FAXC: variants seen among roughly 807,000 people sequenced by gnomAD.
FAXC encodes failed axon connections homolog, metaxin like GST domain containing.
A neutral mutation model predicts 41.9 loss-of-function variants in FAXC; 10 were observed. That is an observed-to-expected ratio of 0.24 (90% confidence interval 0.15 to 0.41). The LOEUF (loss-of-function observed/expected upper bound fraction) is 0.41. Ranked by LOEUF, FAXC falls within the 10% of genes least tolerant of loss-of-function variation. FAXC has a pLI of 1.00. For synonymous variants in FAXC, 183 were observed against 183.8 expected (o/e 1.00, Z 0.03); for missense variants, 399 against 510.9 (o/e 0.78, Z 2.11).
At chr6:99,325,233 A>G (rs531263459) in intron 3 of FAXC, among the ~76,000 whole-genome samples, 4 of 152,276 alleles carry the variant, frequency 2.6e-5, no homozygotes, top group African/African-American at 7.2e-5. Flanking sequence ...TGATCATTGT[A>G]TATAGTTCTG....
At chr6:99,348,310 T>C (rs1453212955) in intron 1 of FAXC, among the ~76,000 whole-genome samples, 2 of 152,220 alleles carry the variant, frequency 1.3e-5, no homozygotes, top group Non-Finnish European at 2.9e-5. Flanking sequence ...CAAACGACTG[T>C]CTCAGTGCCC....
chr6:99,295,126 C>T (rs551919399), intron 4 of FAXC, among the ~76,000 whole-genome samples: 2 of 152,108 alleles, frequency 1.3e-5, no homozygotes, highest in Non-Finnish European at 2.9e-5. Context: ...GAAAAGAGAA[C>T]AGAAATCAGG....
rs1770809464 is a variant in FAXC, at chr6:99,280,997, T to A, written c.*167A>T. The A allele has an allele frequency of 3.3e-6, 2 of 599,812 alleles. No homozygotes were observed. The highest frequency in any genetic ancestry group is 6.0e-6 in the Non-Finnish European group (2 of 333,798). 37.2% of individuals were successfully genotyped at this position (599,812 alleles called of 1,614,324 possible). A position where few individuals can be genotyped will look rare whatever the true frequency, so the allele number is the denominator to read the frequency against. The stretch of plus-strand genomic sequence containing the variant: ...CAATGGAGTCATCTGAATGGTTCTG[T>A]GTTTTGTTTGTACAAAAAAGAAATA... On this transcript the variant is annotated 3_prime_UTR_variant, in exon 6 of 6. Transcript: ENST00000389677.
intron 3 of FAXC, among the ~76,000 whole-genome samples, chr6:99,326,005 G>A (rs111228703): frequency 7.2e-5 from 11 of 152,316 alleles, no homozygotes; most frequent in African/African-American, 1.9e-4. Flanking sequence ...GCTGCCTGAC[G>A]AACTGCAAGA....
chr6:99,310,370 C>G (rs1319648377), intron 4 of FAXC, among the ~76,000 whole-genome samples: 1 of 152,200 alleles, frequency 6.6e-6, no homozygotes, highest in Non-Finnish European at 1.5e-5. Flanking sequence ...GGGTTACAGA[C>G]ACATTTGAAT....
rs1426564705 is a variant in FAXC, at chr6:99,314,043, G to A, written c.823+9401C>T. Among the ~76,000 whole-genome samples, 3 of 152,204 alleles carry A rather than the reference G, an allele frequency of 2.0e-5. No individual in the cohort carries two copies. The East Asian group carries it at 5.8e-4, about 29-fold the overall frequency. ...TTTGCTATGTTGCTCAGGCTGGGGT[G>A]CAGTGGCTATTCACAGTTGTAATCA... On this transcript the variant is annotated intron_variant, in intron 4 of 5. Transcript: ENST00000389677.
chr6:99,318,462 G>A (rs1002236869), intron 4 of FAXC, among the ~76,000 whole-genome samples: 2 of 151,964 alleles, frequency 1.3e-5, no homozygotes, highest in Non-Finnish European at 2.9e-5. Flanking sequence ...AGAGGGATGG[G>A]AAAATATATT....
intron 5 of FAXC, among the ~76,000 whole-genome samples, chr6:99,289,732 T>TAC (rs1771162205): frequency 1.3e-5 from 2 of 150,900 alleles, no homozygotes; most frequent in African/African-American, 4.9e-5. Flanking sequence ...TATATATATA[T>TAC]AGTCCAAAAT....
At chr6:99,325,629 C>G (rs1279864576) in intron 3 of FAXC, among the ~76,000 whole-genome samples, 4 of 152,180 alleles carry the variant, frequency 2.6e-5, no homozygotes, top group African/African-American at 7.2e-5. Flanking sequence ...TGCTTTCCTA[C>G]TTGCTCCTTT....
chr6:99,291,894 A>G, intron 4 of FAXC, 74 bp from the exon 5 acceptor site: 1 of 1,038,916 alleles, frequency 9.6e-7, no homozygotes, highest in East Asian at 2.4e-5. Flanking sequence ...CATTTAGCAC[A>G]TTCTATTACA....
At chr6:99,313,774 T>G (rs1772233992) in intron 4 of FAXC, among the ~76,000 whole-genome samples, 1 of 152,222 alleles carries the variant, frequency 6.6e-6, no homozygotes, top group Admixed American at 6.5e-5. Flanking sequence ...TCCAAATGGT[T>G]AGCCACCTGT....
rs1193381767 is a variant in FAXC at position 99,275,601 on chromosome 6, C to G, written c.*5563G>C. 1 of 152,200 alleles carries G rather than the reference C, an allele frequency of 6.6e-6. No individual in the cohort carries two copies. Among genetic ancestry groups the G allele is most frequent in the Admixed American group, 6.5e-5 (1 of 15,284 alleles). 9.4% of individuals were successfully genotyped at this position (152,200 alleles called of 1,614,324 possible). On this transcript the variant is annotated 3_prime_UTR_variant, in exon 6 of 6. Coordinates refer to ENST00000389677, the MANE Select transcript of FAXC (RefSeq NM_032511.4). Reference sequence around the variant, plus strand: ...GCGAAAGCAGAATGGTTGAGGAGGTCACCCTGTCAGCTCCAAAACAGCTGA... The same window carrying G: ...GCGAAAGCAGAATGGTTGAGGAGGTGACCCTGTCAGCTCCAAAACAGCTGA...
chr6:99,294,208 A>G (rs996751091), intron 4 of FAXC, among the ~76,000 whole-genome samples: 1 of 152,220 alleles, frequency 6.6e-6, no homozygotes, highest in African/African-American at 2.4e-5. Flanking sequence ...ACTGGGGGGA[A>G]TCCAGAGAAA....
intron 4 of FAXC, among the ~76,000 whole-genome samples, chr6:99,309,259 T>A (rs1772061626): frequency 1.3e-5 from 2 of 152,078 alleles, no homozygotes; most frequent in African/African-American, 4.8e-5. Context: ...ACCCTGAAAT[T>A]TAAGCACAAA....
intron 5 of FAXC, 68 bp downstream of exon 5, chr6:99,291,636 A>T: frequency 9.2e-7 from 1 of 1,090,614 alleles, no homozygotes; most frequent in Non-Finnish European, 1.4e-6. Context: ...AGAATTCTCC[A>T]CTGTGCTACC....
At chr6:99,310,203 A>AC (rs1478251817) in intron 4 of FAXC, among the ~76,000 whole-genome samples, 1 of 152,210 alleles carries the variant, frequency 6.6e-6, no homozygotes, top group Non-Finnish European at 1.5e-5. Flanking sequence ...GACCGAGCAA[A>AC]GGTAACCTTT....
intron 3 of FAXC, among the ~76,000 whole-genome samples, chr6:99,331,720 C>T (rs1354026265): frequency 1.3e-5 from 2 of 152,212 alleles, no homozygotes; most frequent in Non-Finnish European, 2.9e-5. Context: ...GAGGTAGTGC[C>T]TTGGAGGGCC....
intron 1 of FAXC, among the ~76,000 whole-genome samples, chr6:99,348,856 CGACAAGT>C (rs950426883): frequency 1.8e-4 from 28 of 152,198 alleles, no homozygotes; most frequent in African/African-American, 6.8e-4. Flanking sequence ...TAATAGATAA[CGACAAGT>C]GACCCAGAGC....
At chr6:99,303,376 A>G (rs1385683188) in intron 4 of FAXC, among the ~76,000 whole-genome samples, 1 of 152,220 alleles carries the variant, frequency 6.6e-6, no homozygotes, top group Non-Finnish European at 1.5e-5. Flanking sequence ...TATTTATAAT[A>G]CCTTGCCCTT....
Sources: gnomAD v4.1 joint callset for allele counts (sites outside exome capture counted in the v4.1 genomes callset) on GRCh38, gnomAD v4.1.1 for gene constraint, MANE v1.5 for transcripts, NCBI Gene and HGNC (gene_info 2026-07-23, HGNC 2026-07-21) for gene names.